The following SLC35F4 variants were observed in gnomAD, a reference collection of about 807,000 sequenced individuals.
SLC35F4 encodes the protein solute carrier family 35 member F4.
In SLC35F4, 24 loss-of-function variants were observed where a neutral mutation model predicts 44.2. That is an observed-to-expected ratio of 0.54 (90% CI 0.39 to 0.76). The LOEUF is 0.76. Among genes scored for constraint, SLC35F4 ranks in the 30% least tolerant of loss-of-function variants. SLC35F4 has a pLI of 0.00. For missense variants in SLC35F4, 562 were observed against 586.1 expected (o/e 0.96, Z 0.42); for synonymous variants, 238 against 223.6 (o/e 1.06, Z -0.57).
intron 1 of SLC35F4, among the ~76,000 whole-genome samples, chr14:57,757,171 C>G (rs2077014189): frequency 6.6e-6 from 1 of 152,112 alleles, no homozygotes; most frequent in South Asian, 2.1e-4. Context: ...TGGTGTTACT[C>G]TTTGCGCTGA....
chr14:57,963,738 T>TC (rs1890381822), intron 1 of SLC35F4, among the ~76,000 whole-genome samples: 1 of 124,646 alleles, frequency 8.0e-6, no homozygotes, highest in East Asian at 2.1e-4. Context: ...TTTTTTTTTT[T>TC]TCAGAGACAA....
intron 1 of SLC35F4, among the ~76,000 whole-genome samples, chr14:57,774,040 T>G (rs905734608): frequency 6.6e-6 from 1 of 152,020 alleles, no homozygotes; most frequent in Non-Finnish European, 1.5e-5. Flanking sequence ...TATTAAAAAG[T>G]AGTGCAAGTG....
chr14:57,675,071 T>C (rs2074646035), intron 1 of SLC35F4, among the ~76,000 whole-genome samples: 1 of 152,092 alleles, frequency 6.6e-6, no homozygotes, highest in Non-Finnish European at 1.5e-5. Context: ...CATAAAATTC[T>C]AGAGGCAGCA....
intron 1 of SLC35F4, among the ~76,000 whole-genome samples, chr14:57,647,680 C>A (rs1318234942): frequency 2.0e-5 from 3 of 152,110 alleles, no homozygotes; most frequent in Non-Finnish European, 4.4e-5. Context: ...TGGTTAGGCT[C>A]CTGAACCTTT....
chr14:57,867,263 C>T (rs549737805), upstream of SLC35F4, among the ~76,000 whole-genome samples: 5 of 152,208 alleles, frequency 3.3e-5, no homozygotes, highest in African/African-American at 1.2e-4. Flanking sequence ...TGTGTGTGGG[C>T]CCTTAAGAAG....
At chr14:57,603,778 C>T (rs1422233839) in intron 1 of SLC35F4, among the ~76,000 whole-genome samples, 2 of 152,152 alleles carry the variant, frequency 1.3e-5, no homozygotes, top group Non-Finnish European at 2.9e-5. Flanking sequence ...CTTAACAGCC[C>T]TAGGGTAGCA....
rs554719083 is a variant in SLC35F4 at position 57,625,749 on chromosome 14, C to T, written c.104-31625G>A. On this transcript the variant is annotated intron_variant, in intron 1 of 7. Transcript: ENST00000556826. ...GTGCTGGGAAAACTGGCTAGCCATA[C>T]GCAGAAAACTGAAACTGGATCCTTT... 1.1e-4 allele frequency among the ~76,000 whole-genome samples: 17 copies of T among 152,102 alleles called. No homozygotes were observed. In the East Asian group the frequency reaches 1.9e-3, roughly 17 times the overall value.
At chr14:57,914,743 T>A (rs539915039) in intron 1 of SLC35F4, among the ~76,000 whole-genome samples, 2 of 152,320 alleles carry the variant, frequency 1.3e-5, no homozygotes, top group South Asian at 4.1e-4. Flanking sequence ...ATGTCCCACA[T>A]CTTGGATATA....
intron 1 of SLC35F4, among the ~76,000 whole-genome samples, chr14:57,782,379 C>CAAAAAAAAAAAAAA (rs76733800): frequency 7.2e-6 from 1 of 138,806 alleles, no homozygotes; most frequent in African/African-American, 2.6e-5. Context: ...CTAGAAATAT[C>CAAAAAAAAAAAAAA]AAAAAAAAAA....
At chr14:57,875,588 T>A (rs531602286) in intron 1 of SLC35F4, among the ~76,000 whole-genome samples, 1 of 152,258 alleles carries the variant, frequency 6.6e-6, no homozygotes, top group East Asian at 1.9e-4. Flanking sequence ...GTCTAGTGGA[T>A]GGGAGATTGG....
intron 1 of SLC35F4, among the ~76,000 whole-genome samples, chr14:57,950,909 C>A (rs1890127379): frequency 6.6e-6 from 1 of 152,146 alleles, no homozygotes; most frequent in South Asian, 2.1e-4. Context: ...TCATGATCCA[C>A]CCACCTTGGC....
intron 1 of SLC35F4, among the ~76,000 whole-genome samples, chr14:57,855,034 G>A (rs1007444171): frequency 6.6e-6 from 1 of 152,132 alleles, no homozygotes; most frequent in Non-Finnish European, 1.5e-5. Context: ...AAGTGAGCAT[G>A]GTTCTTTGAA....
intron 1 of SLC35F4, among the ~76,000 whole-genome samples, chr14:57,933,711 G>T (rs1382632303): frequency 6.6e-6 from 1 of 152,150 alleles, no homozygotes; most frequent in Non-Finnish European, 1.5e-5. Context: ...TTGACAAAAT[G>T]AAATAGAACC....
intron 1 of SLC35F4, among the ~76,000 whole-genome samples, chr14:57,896,807 T>C (rs59993590): frequency 0.012 from 1,861 of 152,290 alleles, 38 homozygotes; most frequent in African/African-American, 0.043. Flanking sequence ...ATTATTGTTA[T>C]TGCCTAAAGA....
intron 1 of SLC35F4, among the ~76,000 whole-genome samples, chr14:57,779,729 C>T (rs992150256): frequency 4.6e-5 from 7 of 152,124 alleles, no homozygotes; most frequent in African/African-American, 1.7e-4. Context: ...AAAAGCTAAT[C>T]CACCATGATC....
intron 1 of SLC35F4, among the ~76,000 whole-genome samples, chr14:57,716,311 C>G (rs1021989938): frequency 1.3e-5 from 2 of 148,150 alleles, no homozygotes; most frequent in Admixed American, 6.7e-5. Context: ...TTTTTTCTGT[C>G]TTTTGTAATA....
Position 57,725,127 on chromosome 14 carries a change from A to G in SLC35F4, c.104-131003T>C, listed in dbSNP as rs535481936. Among the ~76,000 whole-genome samples the G allele has an allele frequency of 1.2e-4, 18 of 152,302 alleles. No individual in the cohort carries two copies. In the South Asian group the frequency reaches 3.1e-3, roughly 26 times the overall value. On this transcript the variant is annotated intron_variant, in intron 1 of 7. Coordinates refer to ENST00000556826, the MANE Select transcript of SLC35F4 (RefSeq NM_001306087.2). ...CAGCAGAGGAGGATTTTAATAATCA[A>G]GTGGAAAGCATGACCATTCTGTGGA...
In SLC35F4 at chr14:57,891,723, A is replaced by C. The variant is rs866651759; in HGVS notation, n.282+90190T>G. On this transcript the variant is annotated intron_variant and non_coding_transcript_variant, in intron 1 of 1. Coordinates refer to the SLC35F4 transcript ENST00000556568. ...AAACCCCATCTGTACTAAAAATACAAAAATTAGTTGGGCATGGTGGCATGC... is the reference window on the plus strand; with the variant it reads ...AAACCCCATCTGTACTAAAAATACACAAATTAGTTGGGCATGGTGGCATGC... Among the ~76,000 whole-genome samples, 9 of 152,178 alleles carry C rather than the reference A, an allele frequency of 5.9e-5. No homozygotes were observed. The South Asian group carries it at 1.0e-3, about 18-fold the overall frequency.
chr14:57,889,305 G>C (rs1888712013), intron 1 of SLC35F4, among the ~76,000 whole-genome samples: 1 of 152,222 alleles, frequency 6.6e-6, no homozygotes, highest in African/African-American at 2.4e-5. Flanking sequence ...ATCAGCCACA[G>C]CAAAGTGACG....
Sources: gnomAD v4.1 joint callset for allele counts (sites outside exome capture counted in the v4.1 genomes callset) on GRCh38, gnomAD v4.1.1 for gene constraint, MANE v1.5 for transcripts, NCBI Gene and HGNC (gene_info 2026-07-23, HGNC 2026-07-21) for gene names.